Variants in MALRD1 observed in about 807,000 individuals in gnomAD.
MALRD1 encodes MAM and LDL receptor class A domain containing 1, also known as MAM and LDL-receptor class A domain-containing protein 1.
Under a neutral mutation model 242.1 loss-of-function variants are expected in MALRD1, and 247 were observed. The observed-to-expected ratio is 1.02, with a 90% CI of 0.92 to 1.13. MALRD1 has a LOEUF of 1.13. Among genes scored for constraint, MALRD1 ranks in the 50% most tolerant of loss-of-function variants. The pLI is 0.00. For synonymous variants in MALRD1, 995 were observed against 866.6 expected (o/e 1.15, Z -2.60); for missense variants, 2,989 against 2,533.1 (o/e 1.18, Z -3.86).
At position 19,203,864 on chromosome 10, in the gene MALRD1, T is replaced by A; in HGVS notation, c.2088T>A (p.Ser696Arg). 6.4e-7 allele frequency: 1 copy of A among 1,550,474 alleles called. No homozygotes were observed. Among genetic ancestry groups the A allele is most frequent in the East Asian group, 2.4e-5 (1 of 40,908 alleles). ...FEHQAPPRDH[S>R]LNASQGHFMF... ...ACCAGGCTCCACCTCGGGATCATAG[T>A]CTCAACGCATCTCAAGGTAAGAAGC... The change falls in exon 15 of 40, where the codon AGT (serine) becomes AGA (arginine). Residue 696 changes from serine to arginine, a missense_variant. Physicochemically the swap from Ser to Arg is moderately radical, Grantham distance 110. Transcript: ENST00000454679.
chr10:19,726,308 A>G (rs1835022260), intron 38 of MALRD1, among the ~76,000 whole-genome samples: 1 of 152,210 alleles, frequency 6.6e-6, no homozygotes, highest in South Asian at 2.1e-4. Flanking sequence ...TCATTTCTTC[A>G]AAGAAGATTA....
At chr10:19,433,972 A>G (rs1487197391) in intron 28 of MALRD1, among the ~76,000 whole-genome samples, 2 of 152,154 alleles carry the variant, frequency 1.3e-5, no homozygotes, top group African/African-American at 4.8e-5. Context: ...ATCATATATA[A>G]TATAAATGAG....
intron 28 of MALRD1, among the ~76,000 whole-genome samples, chr10:19,448,182 C>A (rs11009995): frequency 0.056 from 8,506 of 151,686 alleles, 770 homozygotes; most frequent in African/African-American, 0.19. Context: ...TCAGACATTC[C>A]TTTTTTTTCC....
chr10:19,177,003 A>G (rs528352862), intron 14 of MALRD1, among the ~76,000 whole-genome samples: 2 of 152,106 alleles, frequency 1.3e-5, no homozygotes, highest in East Asian at 3.9e-4. Flanking sequence ...TTGGCCAGGC[A>G]CGGTGGCTCA....
chr10:19,696,316 G>T (rs887432927), intron 38 of MALRD1, among the ~76,000 whole-genome samples: 1 of 152,088 alleles, frequency 6.6e-6, no homozygotes. Flanking sequence ...GCAAGATAAG[G>T]GCTCACTAAA....
At chr10:19,243,354 G>T (rs542597328) in intron 18 of MALRD1, among the ~76,000 whole-genome samples, 1 of 152,176 alleles carries the variant, frequency 6.6e-6, no homozygotes, top group East Asian at 1.9e-4. Flanking sequence ...AAAAACTGGT[G>T]TCGGTGTATT....
intron 38 of MALRD1, among the ~76,000 whole-genome samples, chr10:19,695,570 A>G (rs1833342678): frequency 7.0e-6 from 1 of 143,806 alleles, no homozygotes; most frequent in Non-Finnish European, 1.5e-5. Flanking sequence ...CCCAGGCTGG[A>G]GTGCAGTGGC....
chr10:19,121,970 G>A (rs1459775664), intron 5 of MALRD1, among the ~76,000 whole-genome samples: 1 of 152,216 alleles, frequency 6.6e-6, no homozygotes, highest in East Asian at 1.9e-4. Context: ...GAGTAGTCAT[G>A]AATACGAAGT....
At chr10:19,651,755 A>G (rs1840904386) in intron 36 of MALRD1, among the ~76,000 whole-genome samples, 1 of 152,234 alleles carries the variant, frequency 6.6e-6, no homozygotes, top group Non-Finnish European at 1.5e-5. Context: ...CACTGTAGAA[A>G]GAATGCCATG....
chr10:19,347,757 G>C lies in MALRD1; in HGVS notation c.3902-14G>C, dbSNP rs1337983256. ...TTCCATTTTCTGTAACATATATTTG[G>C]AAATATTTTCCAGGTACCTCCAGTG... is the stretch of plus-strand genomic sequence containing the variant. On this transcript the variant is annotated splice_polypyrimidine_tract_variant and intron_variant, in intron 24 of 39. Coordinates refer to ENST00000454679, the MANE Select transcript of MALRD1 (RefSeq NM_001142308.3). 1 of 1,548,886 alleles carries C rather than the reference G, an allele frequency of 6.5e-7. No homozygotes were observed. Among genetic ancestry groups the C allele is most frequent in the Non-Finnish European group, 8.7e-7 (1 of 1,146,226 alleles).
intron 31 of MALRD1, among the ~76,000 whole-genome samples, chr10:19,521,634 C>T (rs1833890597): frequency 1.3e-5 from 2 of 152,210 alleles, no homozygotes; most frequent in South Asian, 4.1e-4. Flanking sequence ...TTAGAAGATT[C>T]AGTCTCTGTC....
rs762720098 is a variant in MALRD1 at position 19,205,040 on chromosome 10, T to C, written c.2353T>C (p.Ser785Pro). Residue 785 changes from serine (S) to proline (P), a missense_variant, in exon 17 of 40, where the codon TCG (serine) becomes CCG (proline). Transcript: ENST00000454679. Reference sequence around the variant, plus strand: ...GGCAACCATTCAGCTAGGGCGCCTTTCGCAGCCCTTCCATTTGTCACTAGA... The same window carrying C: ...GGCAACCATTCAGCTAGGGCGCCTTCCGCAGCCCTTCCATTTGTCACTAGA... ...LEATIQLGRLSQPFHLSLDKV... is the reference protein window; with the variant it reads ...LEATIQLGRLPQPFHLSLDKV... The C allele has an allele frequency of 5.2e-6, 8 of 1,550,702 alleles. No individual in the cohort carries two copies. In the South Asian group the frequency reaches 8.3e-5, roughly 16 times the overall value.
chr10:19,399,869 G>C (rs1315750006), intron 28 of MALRD1, among the ~76,000 whole-genome samples: 1 of 152,048 alleles, frequency 6.6e-6, no homozygotes, highest in East Asian at 1.9e-4. Flanking sequence ...AAAGCTCCTT[G>C]GTAAATTCTG....
intron 29 of MALRD1, among the ~76,000 whole-genome samples, chr10:19,470,762 A>G (rs1306830939): frequency 8.6e-6 from 1 of 116,538 alleles, no homozygotes; most frequent in African/African-American, 3.4e-5. Flanking sequence ...GTCTTTGGCA[A>G]TTTTTGCAAG....
In MALRD1 at chr10:19,070,441, T is replaced by C. The variant is rs146081611; in HGVS notation, c.340+3582T>C. On this transcript the variant is annotated intron_variant, in intron 2 of 39. Transcript: ENST00000454679. Reference sequence around the variant, plus strand: ...GTCCCTCTAAAGATATATCACTTTTTCACCATCATAAAGCAGAAAAATCCT... The same window carrying C: ...GTCCCTCTAAAGATATATCACTTTTCCACCATCATAAAGCAGAAAAATCCT... 1.3e-4 allele frequency among the ~76,000 whole-genome samples: 20 copies of C among 152,262 alleles called. No homozygotes were observed. The East Asian group carries it at 3.9e-3, about 29-fold the overall frequency.
chr10:19,498,459 T>C (rs1364722080), intron 30 of MALRD1, 26 bp from the exon 31 acceptor site: 5 of 1,527,790 alleles, frequency 3.3e-6, no homozygotes, highest in Non-Finnish European at 4.4e-6. Context: ...TTTCCAGAAA[T>C]TCCATTAATG....
chr10:19,404,464 G>T (rs969282719), intron 28 of MALRD1, among the ~76,000 whole-genome samples: 2 of 151,988 alleles, frequency 1.3e-5, no homozygotes, highest in Non-Finnish European at 2.9e-5. Flanking sequence ...GATGTATGTT[G>T]CTCCCTTGAA....
intron 18 of MALRD1, among the ~76,000 whole-genome samples, chr10:19,235,206 G>A (rs1564488386): frequency 6.6e-6 from 1 of 152,042 alleles, no homozygotes; most frequent in Non-Finnish European, 1.5e-5. Flanking sequence ...GCTGTAAGGG[G>A]GACACGTTTG....
intron 1 of MALRD1, among the ~76,000 whole-genome samples, chr10:19,065,145 G>C (rs565037753): frequency 3.3e-5 from 5 of 151,842 alleles, no homozygotes; most frequent in African/African-American, 1.2e-4. Flanking sequence ...AAATTAGCCA[G>C]GCATGTTGGT....
Sources: allele counts gnomAD v4.1 joint callset (sites outside exome capture counted in the v4.1 genomes callset), GRCh38; gene constraint gnomAD v4.1.1; transcripts MANE v1.5; gene names NCBI Gene and HGNC (gene_info 2026-07-23, HGNC 2026-07-21).